SLC9A9: variants seen among roughly 807,000 people sequenced by gnomAD.
The protein encoded by SLC9A9 is sodium/hydrogen exchanger 9.
SLC9A9 carries 62 observed loss-of-function variants against 77.8 expected under a neutral mutation model. The observed-to-expected ratio is 0.80, with a 90% CI of 0.65 to 0.98. The LOEUF (loss-of-function observed/expected upper bound fraction) is 0.98. Ranked by LOEUF, SLC9A9 falls within the 50% of genes least tolerant of loss-of-function variation. SLC9A9 has a pLI of 0.00. For synonymous variants in SLC9A9, 320 were observed against 283.5 expected (o/e 1.13, Z -1.29); for missense variants, 775 against 774.9 (o/e 1.00, Z 0.00).
intron 9 of SLC9A9, among the ~76,000 whole-genome samples, chr3:143,521,866 A>C (rs2036305402): frequency 6.6e-6 from 1 of 152,064 alleles, no homozygotes; most frequent in Non-Finnish European, 1.5e-5. Flanking sequence ...ATATTATATA[A>C]AAATCTTGAG....
At chr3:143,810,805 G>A (rs902431986) in intron 2 of SLC9A9, among the ~76,000 whole-genome samples, 17 of 151,912 alleles carry the variant, frequency 1.1e-4, no homozygotes, top group African/African-American at 2.7e-4. Flanking sequence ...TTTTTGCTGC[G>A]AAGCACTTGA....
chr3:143,416,762 C>T (rs1276631070), intron 12 of SLC9A9, among the ~76,000 whole-genome samples: 3 of 152,086 alleles, frequency 2.0e-5, no homozygotes, highest in Non-Finnish European at 4.4e-5. Flanking sequence ...GCTTGTACAT[C>T]TGTATGTATA....
At chr3:143,443,399 T>C (rs1253413350) in intron 12 of SLC9A9, among the ~76,000 whole-genome samples, 1 of 152,192 alleles carries the variant, frequency 6.6e-6, no homozygotes, top group Non-Finnish European at 1.5e-5. Context: ...GCTGCTCCTT[T>C]AATTGCTGTT....
intron 12 of SLC9A9, among the ~76,000 whole-genome samples, chr3:143,438,678 A>G (rs1335933807): frequency 1.3e-5 from 2 of 152,172 alleles, no homozygotes; most frequent in Non-Finnish European, 2.9e-5. Flanking sequence ...AAAGACCCAC[A>G]GGGTATGGGG....
chr3:143,703,212 A>G (rs1933856698), intron 4 of SLC9A9, among the ~76,000 whole-genome samples: 1 of 152,126 alleles, frequency 6.6e-6, no homozygotes, highest in Non-Finnish European at 1.5e-5. Flanking sequence ...TACACTATAG[A>G]CCAAATGCAC....
At chr3:143,802,953 C>T (rs1468433108) in intron 2 of SLC9A9, among the ~76,000 whole-genome samples, 1 of 152,160 alleles carries the variant, frequency 6.6e-6, no homozygotes, top group Non-Finnish European at 1.5e-5. Flanking sequence ...AGTCCTCCAG[C>T]AGGCTAGACA....
In SLC9A9 at chr3:143,677,298, G is replaced by A. The variant is rs559871213; in HGVS notation, c.649+15894C>T. ...AGGGGTCACCACTGCTTTTAAAAAT[G>A]TGAATCATATTTTTATATACATTTT... is the stretch of plus-strand genomic sequence containing the variant. On this transcript the variant is annotated intron_variant, in intron 5 of 15. Transcript: ENST00000316549. Among the ~76,000 whole-genome samples the A allele has an allele frequency of 2.0e-5, 3 of 152,276 alleles. No homozygotes were observed. In the South Asian group the frequency reaches 6.2e-4, roughly 32 times the overall value.
chr3:143,664,301 A>G (rs981526021), intron 5 of SLC9A9, among the ~76,000 whole-genome samples: 2 of 152,200 alleles, frequency 1.3e-5, no homozygotes, highest in African/African-American at 4.8e-5. Context: ...GTCACCACCA[A>G]GCCTGCCTTG....
intron 9 of SLC9A9, among the ~76,000 whole-genome samples, chr3:143,500,629 G>T (rs2035908562): frequency 1.3e-5 from 2 of 152,086 alleles, no homozygotes; most frequent in African/African-American, 4.8e-5. Context: ...CCTGACGTCT[G>T]CAGTCTTTCC....
Position 143,793,449 on chromosome 3 carries a change from A to G in SLC9A9, c.533+1552T>C, listed in dbSNP as rs1347774380. Among the ~76,000 whole-genome samples, 4 of 152,240 alleles carry G rather than the reference A, an allele frequency of 2.6e-5. No individual in the cohort carries two copies. The East Asian group carries it at 7.7e-4, about 29-fold the overall frequency. ...TTCTATAATTTGGCAGCATTGTCCAAGAGTTTAGAATTTGGATCCATTATA... is the reference window on the plus strand; with the variant it reads ...TTCTATAATTTGGCAGCATTGTCCAGGAGTTTAGAATTTGGATCCATTATA... On this transcript the variant is annotated intron_variant, in intron 4 of 15. Transcript: ENST00000316549.
Position 143,748,148 on chromosome 3 carries a change from T to C in SLC9A9, c.533+46853A>G, listed in dbSNP as rs976489701. Among the ~76,000 whole-genome samples the C allele has an allele frequency of 2.0e-5, 3 of 152,332 alleles. No individual in the cohort carries two copies. The East Asian group carries it at 5.8e-4, about 29-fold the overall frequency. On this transcript the variant is annotated intron_variant, in intron 4 of 15. Coordinates refer to ENST00000316549, the MANE Select transcript of SLC9A9 (RefSeq NM_173653.4). ...AGCCTTCTTGATCATTATGAACACATATTTGTCAAGACAGATGTATAGAAC... is the reference window on the plus strand; with the variant it reads ...AGCCTTCTTGATCATTATGAACACACATTTGTCAAGACAGATGTATAGAAC...
At chr3:143,331,241 G>C (rs1297225751) in intron 14 of SLC9A9, among the ~76,000 whole-genome samples, 2 of 152,222 alleles carry the variant, frequency 1.3e-5, no homozygotes, top group East Asian at 3.8e-4. Context: ...GTACACATGA[G>C]AGGGTTATGA....
intron 1 of SLC9A9, among the ~76,000 whole-genome samples, chr3:143,838,641 A>C (rs1371339115): frequency 1.3e-5 from 2 of 152,222 alleles, no homozygotes; most frequent in Non-Finnish European, 2.9e-5. Flanking sequence ...GAGTTCAGGA[A>C]TTCCAAGATG....
chr3:143,265,781 A>G lies in SLC9A9; in HGVS notation c.*921T>C. 1 of 556,532 alleles carries G rather than the reference A, an allele frequency of 1.8e-6. No homozygotes were observed. The allele number at this position is 556,532 out of a possible 1,614,324, so 34.5% of individuals were successfully genotyped here. A position where few individuals can be genotyped will look rare whatever the true frequency, so the allele number is the denominator to read the frequency against. On this transcript the variant is annotated 3_prime_UTR_variant, in exon 16 of 16. Coordinates refer to ENST00000316549, the MANE Select transcript of SLC9A9 (RefSeq NM_173653.4). Reference sequence around the variant, plus strand: ...CTCTCGCCCTGCTCCTGCACTGCTCATCAGCTGTGAATGCTGGAATTGGAG... The same window carrying G: ...CTCTCGCCCTGCTCCTGCACTGCTCGTCAGCTGTGAATGCTGGAATTGGAG...
intron 14 of SLC9A9, among the ~76,000 whole-genome samples, chr3:143,349,543 A>C (rs1052321482): frequency 5.3e-5 from 8 of 152,224 alleles, no homozygotes; most frequent in Non-Finnish European, 1.2e-4. Flanking sequence ...AACATCCTGC[A>C]AGATAGGTAT....
At chr3:143,270,286 G>A (rs1418424763) in intron 14 of SLC9A9, among the ~76,000 whole-genome samples, 1 of 152,136 alleles carries the variant, frequency 6.6e-6, no homozygotes, top group Non-Finnish European at 1.5e-5. Flanking sequence ...TTTCATTAGT[G>A]TTATTTCTTT....
At chr3:143,463,245 A>C (rs2035227895) in intron 12 of SLC9A9, among the ~76,000 whole-genome samples, 1 of 152,136 alleles carries the variant, frequency 6.6e-6, no homozygotes, top group Non-Finnish European at 1.5e-5. Context: ...TGGGTCCTAC[A>C]TTCTCATCTG....
intron 12 of SLC9A9, among the ~76,000 whole-genome samples, chr3:143,415,785 C>G (rs1297845963): frequency 6.6e-6 from 1 of 152,196 alleles, no homozygotes; most frequent in East Asian, 1.9e-4. Context: ...AAGGCTATAG[C>G]TGCCATAGAT....
chr3:143,432,761 C>T (rs1007435175), intron 12 of SLC9A9, among the ~76,000 whole-genome samples: 6 of 152,082 alleles, frequency 3.9e-5, no homozygotes, highest in Admixed American at 2.0e-4. Flanking sequence ...CCAAGTAGCT[C>T]GGACTACAGG....
Sources: allele counts gnomAD v4.1 joint callset (sites outside exome capture counted in the v4.1 genomes callset), GRCh38; gene constraint gnomAD v4.1.1; transcripts MANE v1.5; gene names NCBI Gene and HGNC (gene_info 2026-07-23, HGNC 2026-07-21).